SPRED2: variants seen among roughly 807,000 people sequenced by gnomAD.
The protein encoded by SPRED2 is sprouty-related, EVH1 domain-containing protein 2.
Under a neutral mutation model 43.0 loss-of-function variants are expected in SPRED2, and 47 were observed. That is an observed-to-expected ratio of 1.09 (90% CI 0.87 to 1.40). SPRED2 has a LOEUF of 1.40. Ranked by LOEUF, SPRED2 falls within the 40% of genes most tolerant of loss-of-function variation. The pLI, the probability that SPRED2 is intolerant of heterozygous loss-of-function variation, is 0.00. For synonymous variants in SPRED2, 225 were observed against 225.7 expected, an observed-to-expected ratio of 1.00 and a Z score of 0.03; for missense variants, 561 against 586.4, an observed-to-expected ratio of 0.96 and a Z score of 0.45.
chr2:65,425,355 T>C (rs1388445483), intron 1 of SPRED2, among the ~76,000 whole-genome samples: 1 of 152,210 alleles, frequency 6.6e-6, no homozygotes, highest in South Asian at 2.1e-4. Context: ...ATCTGTTTCT[T>C]TACCTTTACC....
intron 1 of SPRED2, chr2:65,366,694 C>T: frequency 6.5e-7 from 1 of 1,530,342 alleles, no homozygotes; most frequent in Non-Finnish European, 8.8e-7. Context: ...CTCTTGCTGA[C>T]CTGAGAACCA....
chr2:65,410,428 T>C (rs1676127540), intron 1 of SPRED2, among the ~76,000 whole-genome samples: 1 of 152,166 alleles, frequency 6.6e-6, no homozygotes, highest in Non-Finnish European at 1.5e-5. Flanking sequence ...TCACTATTTA[T>C]ACTCGTCATC....
At position 65,388,716 on chromosome 2, in the gene SPRED2, C is replaced by CCA. The variant is rs150586956; in HGVS notation, c.26+43244_26+43245dup. The stretch of plus-strand genomic sequence containing the variant: ...GCAATTTTTCCCCAAAACAGGCACA[C>CCA]CACACACACACACACCCCAACTAAA... On this transcript the variant is annotated intron_variant, in intron 1 of 5. Coordinates refer to ENST00000356388, the MANE Select transcript of SPRED2 (RefSeq NM_181784.3). Among the ~76,000 whole-genome samples the CCA allele has an allele frequency of 3.2e-4, 49 of 151,494 alleles. No homozygotes were observed. The East Asian group carries it at 5.8e-3, about 18-fold the overall frequency.
chr2:65,356,946 A>G (rs1266883631), intron 1 of SPRED2, among the ~76,000 whole-genome samples: 1 of 152,174 alleles, frequency 6.6e-6, no homozygotes, highest in African/African-American at 2.4e-5. Flanking sequence ...GTGAGCTAAG[A>G]TCACGCTACT....
chr2:65,360,667 C>CG (rs1023304571), intron 1 of SPRED2, among the ~76,000 whole-genome samples: 27 of 151,882 alleles, frequency 1.8e-4, no homozygotes, highest in Admixed American at 3.3e-4. Context: ...TTGCCAGAGG[C>CG]GGGGGGCTGG....
At chr2:65,321,765 A>G (rs1311697302) in intron 4 of SPRED2, among the ~76,000 whole-genome samples, 1 of 152,026 alleles carries the variant, frequency 6.6e-6, no homozygotes, top group Admixed American at 6.6e-5. Context: ...GGGATTTAAA[A>G]TTTCTATTTT....
intron 1 of SPRED2, among the ~76,000 whole-genome samples, chr2:65,398,523 G>A (rs1433521845): frequency 6.8e-6 from 1 of 146,972 alleles, no homozygotes; most frequent in African/African-American, 2.7e-5. Flanking sequence ...AGAACTCAGC[G>A]AGAAAAAAAA....
intron 1 of SPRED2, among the ~76,000 whole-genome samples, chr2:65,423,591 C>A (rs1248300502): frequency 1.3e-5 from 2 of 152,342 alleles, no homozygotes; most frequent in Non-Finnish European, 2.9e-5. Context: ...CTCTAAGGTA[C>A]AAAGTGAAAA....
chr2:65,417,158 T>A (rs1676303531), intron 1 of SPRED2, among the ~76,000 whole-genome samples: 1 of 152,138 alleles, frequency 6.6e-6, no homozygotes, highest in Non-Finnish European at 1.5e-5. Flanking sequence ...CTGCTGTCTA[T>A]GACCACACCA....
In SPRED2 at chr2:65,431,712, C is replaced by T. The variant is rs11896078; in HGVS notation, c.26+250G>A. On this transcript the variant is annotated intron_variant, in intron 1 of 5. Transcript: ENST00000356388. ...GAGCGGAGACCGCCGGGAGGTCACC[C>T]GCACGCCCTTGGCCCCCGGAGCTGC... 8.0e-3 allele frequency among the ~76,000 whole-genome samples: 1,219 copies of T among 152,226 alleles called. 17 individuals carry two copies. The highest frequency in any genetic ancestry group is 0.028 in the African/African-American group (1,156 of 41,534).
At chr2:65,365,028 A>G (rs1674933007) in intron 1 of SPRED2, among the ~76,000 whole-genome samples, 1 of 152,236 alleles carries the variant, frequency 6.6e-6, no homozygotes, top group Admixed American at 6.5e-5. Context: ...GTTGTTAATA[A>G]AAAATGGCCC....
At chr2:65,428,037 G>A in intron 1 of SPRED2, among the ~76,000 whole-genome samples, 1 of 152,188 alleles carries the variant, frequency 6.6e-6, no homozygotes, top group African/African-American at 2.4e-5. Context: ...AAAAATGTTT[G>A]CTGTCTCGGG....
At chr2:65,393,823 G>A (rs1304235826) in intron 1 of SPRED2, among the ~76,000 whole-genome samples, 1 of 152,060 alleles carries the variant, frequency 6.6e-6, no homozygotes, top group African/African-American at 2.4e-5. Flanking sequence ...CATTCATTCA[G>A]TCATTGTTAT....
chr2:65,351,320 T>C (rs1011678001), intron 1 of SPRED2, among the ~76,000 whole-genome samples: 3 of 152,210 alleles, frequency 2.0e-5, no homozygotes, highest in African/African-American at 7.2e-5. Flanking sequence ...GAACTGGCCC[T>C]CTGCTCCTGC....
At chr2:65,417,114 CA>C (rs1676295174) in intron 1 of SPRED2, among the ~76,000 whole-genome samples, 3 of 152,126 alleles carry the variant, frequency 2.0e-5, no homozygotes, top group Admixed American at 2.0e-4. Context: ...CACCTCCCCC[CA>C]CCCCAGGAGA....
At chr2:65,345,337 C>G (rs983115859) in intron 1 of SPRED2, among the ~76,000 whole-genome samples, 5 of 144,552 alleles carry the variant, frequency 3.5e-5, no homozygotes, top group African/African-American at 1.3e-4. Context: ...GATGTCGGCT[C>G]ACTGCAACCT....
At chr2:65,395,446 C>CA (rs1675737114) in intron 1 of SPRED2, among the ~76,000 whole-genome samples, 1 of 152,086 alleles carries the variant, frequency 6.6e-6, no homozygotes, top group Admixed American at 6.5e-5. Context: ...AACTGAACCC[C>CA]ACCTCCCTCA....
rs1458503245 is a variant in SPRED2 at position 65,313,806 on chromosome 2, G to A, written c.952C>T (p.His318Tyr). Residue 318 changes from histidine to tyrosine, a missense_variant, in exon 6 of 6, where the codon CAC becomes TAC. His to Tyr is a moderately conservative substitution (Grantham distance 83). Around this residue, in one of 6 missense-constraint regions of SPRED2, gnomAD observed 164 missense variants for 164.1 expected, o/e 1.00. Coordinates refer to ENST00000356388, the MANE Select transcript of SPRED2 (RefSeq NM_181784.3). Reference protein sequence around the residue: ...RCVYCRDMFNHEENRRGHCQD... With the variant: ...RCVYCRDMFNYEENRRGHCQD... ...CAGTGGCCCCGGCGGTTCTCCTCGT[G>A]GTTGAACATGTCCCTGCAGTACACG... The A allele has an allele frequency of 1.9e-6, 3 of 1,613,912 alleles. No homozygotes were observed. Among genetic ancestry groups the A allele is most frequent in the Non-Finnish European group, 2.5e-6 (3 of 1,180,032 alleles).
chr2:65,316,252 C>A (rs1002851346), intron 5 of SPRED2, among the ~76,000 whole-genome samples: 1 of 152,212 alleles, frequency 6.6e-6, no homozygotes. Flanking sequence ...AAGACTGGGC[C>A]TGTAGCCTGT....
Sources: gnomAD v4.1 joint callset for allele counts (sites outside exome capture counted in the v4.1 genomes callset) on GRCh38, gnomAD v4.1.1 for gene constraint, gnomAD v4.1.1 regional missense constraint, MANE v1.5 for transcripts, NCBI Gene and HGNC (gene_info 2026-07-23, HGNC 2026-07-21) for gene names.